Variants in HS6ST3 observed in about 807,000 individuals in gnomAD.
The protein encoded by HS6ST3 is heparan-sulfate 6-O-sulfotransferase 3.
In HS6ST3, 12 loss-of-function variants were observed where a neutral mutation model predicts 36.7. The ratio of observed to expected loss-of-function variants is 0.33; its 90% confidence interval spans 0.21 to 0.53. The LOEUF is 0.53. Ranked by LOEUF, HS6ST3 falls within the 20% of genes least tolerant of loss-of-function variation. The pLI, the probability that HS6ST3 is intolerant of heterozygous loss-of-function variation, is 0.95. For missense variants in HS6ST3, 584 were observed against 640.9 expected, an observed-to-expected ratio of 0.91 and a Z score of 0.96; for synonymous variants, 240 against 257.5, an observed-to-expected ratio of 0.93 and a Z score of 0.65.
intron 1 of HS6ST3, among the ~76,000 whole-genome samples, chr13:96,352,906 CAG>C (rs1256376261): frequency 1.3e-5 from 2 of 152,092 alleles, no homozygotes; most frequent in Non-Finnish European, 2.9e-5. Context: ...ATTGGGGACA[CAG>C]AGAGATTTAA....
At chr13:96,233,819 G>A (rs551245860) in intron 1 of HS6ST3, among the ~76,000 whole-genome samples, 2 of 152,216 alleles carry the variant, frequency 1.3e-5, no homozygotes, top group Non-Finnish European at 2.9e-5. Context: ...CTGTCAATAG[G>A]AAATAAAATT....
intron 1 of HS6ST3, among the ~76,000 whole-genome samples, chr13:96,465,554 A>C: frequency 6.6e-6 from 1 of 152,202 alleles, no homozygotes; most frequent in East Asian, 1.9e-4. Flanking sequence ...ACATTACTTA[A>C]GGATGCAACC....
intron 1 of HS6ST3, among the ~76,000 whole-genome samples, chr13:96,769,773 T>TGTGTGTGTGTGTGTGC (rs1555323691): frequency 7.0e-6 from 1 of 142,168 alleles, no homozygotes; most frequent in African/African-American, 2.6e-5. Flanking sequence ...TGTGTGTGTG[T>TGTGTGTGTGTGTGTGC]GCGCACATAT....
intron 1 of HS6ST3, among the ~76,000 whole-genome samples, chr13:96,197,667 A>G (rs1001865356): frequency 6.6e-6 from 1 of 152,218 alleles, no homozygotes; most frequent in African/African-American, 2.4e-5. Flanking sequence ...ATGAGGGTAC[A>G]GGTGTTAGGT....
At chr13:96,757,136 T>G (rs541582493) in intron 1 of HS6ST3, among the ~76,000 whole-genome samples, 91 of 152,230 alleles carry the variant, frequency 6.0e-4, no homozygotes, top group Non-Finnish European at 1.1e-3. Flanking sequence ...CTTCTTTAAA[T>G]CCAGCAATGA....
chr13:96,474,175 C>G (rs544435095), intron 1 of HS6ST3, among the ~76,000 whole-genome samples: 2 of 152,098 alleles, frequency 1.3e-5, no homozygotes, highest in Admixed American at 1.3e-4. Context: ...AATTTTTTTC[C>G]TCTGTTGGAC....
At chr13:96,466,901 A>G (rs1474634082) in intron 1 of HS6ST3, among the ~76,000 whole-genome samples, 1 of 152,254 alleles carries the variant, frequency 6.6e-6, no homozygotes, top group African/African-American at 2.4e-5. Context: ...GTCACAGTAG[A>G]AGATAGTGGG....
At chr13:96,711,197 C>G (rs1031240468) in intron 1 of HS6ST3, among the ~76,000 whole-genome samples, 1 of 152,080 alleles carries the variant, frequency 6.6e-6, no homozygotes, top group Non-Finnish European at 1.5e-5. Context: ...CTTGTCTCCC[C>G]CTTGGTTGGC....
intron 1 of HS6ST3, among the ~76,000 whole-genome samples, chr13:96,728,562 A>G (rs959553043): frequency 1.2e-4 from 18 of 152,358 alleles, no homozygotes; most frequent in Non-Finnish European, 1.9e-4. Flanking sequence ...TAGATGTTGC[A>G]TTGTGCAAAA....
intron 1 of HS6ST3, among the ~76,000 whole-genome samples, chr13:96,443,771 A>C (rs1414560089): frequency 1.3e-5 from 2 of 152,174 alleles, no homozygotes; most frequent in Non-Finnish European, 2.9e-5. Flanking sequence ...TTGAATGGAG[A>C]AGTAAATGGT....
chr13:96,381,378 C>CTGTCTATG (rs1566343850), intron 1 of HS6ST3, among the ~76,000 whole-genome samples: 2 of 137,016 alleles, frequency 1.5e-5, no homozygotes, highest in African/African-American at 5.7e-5. Context: ...ATTTATCCAT[C>CTGTCTATG]TATCTATGTA....
intron 1 of HS6ST3, among the ~76,000 whole-genome samples, chr13:96,546,648 A>G (rs1354983398): frequency 6.6e-6 from 1 of 152,154 alleles, no homozygotes; most frequent in African/African-American, 2.4e-5. Flanking sequence ...ACACAGAAAT[A>G]ATTTGCCTAG....
At chr13:96,685,024 TA>T (rs993526585) in intron 1 of HS6ST3, among the ~76,000 whole-genome samples, 6 of 152,056 alleles carry the variant, frequency 3.9e-5, no homozygotes, top group African/African-American at 1.4e-4. Flanking sequence ...AGATATAAAG[TA>T]AAAAAAGATC....
chr13:96,302,571 A>G (rs975842601), intron 1 of HS6ST3, among the ~76,000 whole-genome samples: 1 of 152,140 alleles, frequency 6.6e-6, no homozygotes, highest in East Asian at 1.9e-4. Context: ...TAATATGAAA[A>G]CTATGACATT....
intron 1 of HS6ST3, among the ~76,000 whole-genome samples, chr13:96,499,338 T>C (rs540016997): frequency 1.1e-3 from 165 of 152,262 alleles, no homozygotes; most frequent in African/African-American, 3.8e-3. Flanking sequence ...GTTCACACAT[T>C]TCTTCAACAA....
Position 96,776,456 on chromosome 13 carries a change from A to G in HS6ST3, c.708-56034A>G, listed in dbSNP as rs1280710210. Among the ~76,000 whole-genome samples, 5 of 152,298 alleles carry G rather than the reference A, an allele frequency of 3.3e-5. No homozygotes were observed. In the East Asian group the frequency reaches 7.7e-4, roughly 24 times the overall value. The stretch of plus-strand genomic sequence containing the variant: ...GGTAGACTGCTAGCCAGGCTAACAA[A>G]AAAAGGAAAGAGAGACGAGTCAAAT... On this transcript the variant is annotated intron_variant, in intron 1 of 1. Coordinates refer to ENST00000376705, the MANE Select transcript of HS6ST3 (RefSeq NM_153456.4).
chr13:96,552,029 C>G (rs1042240834), intron 1 of HS6ST3, among the ~76,000 whole-genome samples: 2 of 152,160 alleles, frequency 1.3e-5, no homozygotes, highest in Non-Finnish European at 2.9e-5. Flanking sequence ...CAGAATAAGT[C>G]AGCTGTTATT....
intron 1 of HS6ST3, among the ~76,000 whole-genome samples, chr13:96,254,498 T>TACAC (rs1249145694): frequency 1.0e-3 from 21 of 20,850 alleles, no homozygotes; most frequent in African/African-American, 3.1e-3. Flanking sequence ...TATATATATA[T>TACAC]ACACATACAT....
chr13:96,805,089 T>C (rs1051174772), intron 1 of HS6ST3, among the ~76,000 whole-genome samples: 2 of 152,218 alleles, frequency 1.3e-5, no homozygotes, highest in Non-Finnish European at 2.9e-5. Flanking sequence ...TTTCACTTGG[T>C]AGAAGTGGCC....
Sources: gnomAD v4.1 joint callset for allele counts (sites outside exome capture counted in the v4.1 genomes callset) on GRCh38, gnomAD v4.1.1 for gene constraint, MANE v1.5 for transcripts, NCBI Gene and HGNC (gene_info 2026-07-23, HGNC 2026-07-21) for gene names.